Variants in NKAIN2 observed in about 807,000 individuals in gnomAD.
The protein encoded by NKAIN2 is sodium/potassium transporting ATPase interacting 2.
In NKAIN2, 14 loss-of-function variants were observed where a neutral mutation model predicts 32.6. The ratio of observed to expected loss-of-function variants is 0.43; its 90% CI spans 0.28 to 0.67. NKAIN2 has a LOEUF of 0.67. NKAIN2 is among the 30% of genes least tolerant of loss of function. The pLI, the probability that NKAIN2 is intolerant of heterozygous loss-of-function variation, is 0.17. For missense variants in NKAIN2, 198 were observed against 258.3 expected, an observed-to-expected ratio of 0.77 and a Z score of 1.60; for synonymous variants, 80 against 87.2, an observed-to-expected ratio of 0.92 and a Z score of 0.46.
intron 1 of NKAIN2, among the ~76,000 whole-genome samples, chr6:124,261,838 G>C (rs1356710647): frequency 6.6e-6 from 1 of 151,002 alleles, no homozygotes; most frequent in Non-Finnish European, 1.5e-5. Context: ...AATCCAGCCT[G>C]GGTGAAAGAG....
At chr6:124,273,095 T>C (rs151132778) in intron 1 of NKAIN2, among the ~76,000 whole-genome samples, 32 of 152,274 alleles carry the variant, frequency 2.1e-4, no homozygotes, top group African/African-American at 7.2e-4. Flanking sequence ...CTGGAATGAG[T>C]TAAGACTTTG....
At chr6:123,877,483 A>T (rs933944529) in intron 1 of NKAIN2, among the ~76,000 whole-genome samples, 5 of 152,224 alleles carry the variant, frequency 3.3e-5, no homozygotes, top group Non-Finnish European at 7.3e-5. Flanking sequence ...ATGTATGGGA[A>T]ATAGATTTCA....
In NKAIN2 at chr6:124,465,500, G is replaced by A. The variant is rs150698772; in HGVS notation, c.273+110153G>A. Among the ~76,000 whole-genome samples, 674 of 152,056 alleles carry A rather than the reference G, an allele frequency of 4.4e-3. 8 individuals are homozygous for A. The highest frequency in any genetic ancestry group is 0.015 in the African/African-American group (624 of 41,490). On this transcript the variant is annotated intron_variant, in intron 3 of 6. Coordinates refer to ENST00000368417, the MANE Select transcript of NKAIN2 (RefSeq NM_001040214.3). The stretch of plus-strand genomic sequence containing the variant: ...CTGTCAGGGGGTGGGGGCTAGATGA[G>A]GGACAGCATTAGGAGAAATACCTAA...
chr6:124,754,727 G>A (rs942939424), intron 4 of NKAIN2, among the ~76,000 whole-genome samples: 5 of 152,032 alleles, frequency 3.3e-5, no homozygotes, highest in East Asian at 1.9e-4. Flanking sequence ...ACAGTGTGGC[G>A]ATTCCTCAAA....
chr6:124,633,793 A>G (rs1783665364), intron 3 of NKAIN2, among the ~76,000 whole-genome samples: 1 of 152,194 alleles, frequency 6.6e-6, no homozygotes, highest in Non-Finnish European at 1.5e-5. Flanking sequence ...GAGCCCGAGG[A>G]CCAGTCCTCT....
chr6:124,118,230 A>C (rs1413851756), intron 1 of NKAIN2, among the ~76,000 whole-genome samples: 2 of 152,098 alleles, frequency 1.3e-5, no homozygotes, highest in African/African-American at 4.8e-5. Flanking sequence ...CCTTAATTTA[A>C]AAAGAGGAGG....
At chr6:124,579,899 T>A (rs1420190257) in intron 3 of NKAIN2, among the ~76,000 whole-genome samples, 2 of 152,170 alleles carry the variant, frequency 1.3e-5, no homozygotes, top group Admixed American at 1.3e-4. Context: ...CAGTGGAAAC[T>A]TTACAGGGCA....
At chr6:124,550,376 A>G (rs1415159903) in intron 3 of NKAIN2, among the ~76,000 whole-genome samples, 2 of 150,884 alleles carry the variant, frequency 1.3e-5, no homozygotes, top group East Asian at 2.0e-4. Context: ...TTTGTTTTCT[A>G]TTCTTTTTTT....
chr6:123,920,185 A>T (rs1298363226), intron 1 of NKAIN2, among the ~76,000 whole-genome samples: 1 of 152,112 alleles, frequency 6.6e-6, no homozygotes, highest in Non-Finnish European at 1.5e-5. Flanking sequence ...CTGGAGTATA[A>T]GTTTGTTCTT....
intron 1 of NKAIN2, among the ~76,000 whole-genome samples, chr6:124,007,811 G>A (rs1000490116): frequency 6.6e-6 from 1 of 152,138 alleles, no homozygotes; most frequent in African/African-American, 2.4e-5. Context: ...GATATTTGAA[G>A]TAATTAGTTT....
intron 5 of NKAIN2, among the ~76,000 whole-genome samples, chr6:124,797,386 G>A (rs939558499): frequency 6.6e-6 from 1 of 152,074 alleles, no homozygotes; most frequent in African/African-American, 2.4e-5. Flanking sequence ...ATCATCTGGA[G>A]AGAGACATGG....
chr6:124,203,577 TGA>T (rs773711281), intron 1 of NKAIN2, among the ~76,000 whole-genome samples: 3 of 151,804 alleles, frequency 2.0e-5, no homozygotes, highest in Admixed American at 6.6e-5. Context: ...ATAAGCATGC[TGA>T]GAGAGAAAGG....
chr6:124,807,853 C>A (rs960748425), intron 5 of NKAIN2, among the ~76,000 whole-genome samples: 21 of 151,014 alleles, frequency 1.4e-4, no homozygotes, highest in African/African-American at 4.6e-4. Context: ...ATACTACAAA[C>A]ACCTGTACAC....
chr6:123,823,302 G>C (rs1386591770), intron 1 of NKAIN2: 2 of 152,198 alleles, frequency 1.3e-5, no homozygotes, highest in African/African-American at 4.8e-5. Flanking sequence ...TGTGGTAAGA[G>C]TGAAAATAAT....
chr6:124,360,106 C>T (rs1562513264), intron 3 of NKAIN2, among the ~76,000 whole-genome samples: 1 of 152,198 alleles, frequency 6.6e-6, no homozygotes, highest in Non-Finnish European at 1.5e-5. Context: ...ACCAGCCTTG[C>T]ATCCCAGGGA....
chr6:123,957,007 C>T (rs945721841), intron 1 of NKAIN2, among the ~76,000 whole-genome samples: 3 of 152,144 alleles, frequency 2.0e-5, no homozygotes, highest in African/African-American at 7.2e-5. Context: ...ATGGTACAGA[C>T]TATTTCATGC....
intron 3 of NKAIN2, among the ~76,000 whole-genome samples, chr6:124,474,898 TATC>T (rs201061538): frequency 0.028 from 3,269 of 118,152 alleles, 57 homozygotes; most frequent in Non-Finnish European, 0.044. Context: ...ATTATATATG[TATC>T]ATATTATATA....
chr6:123,954,335 G>A (rs1264912649), intron 1 of NKAIN2, among the ~76,000 whole-genome samples: 2 of 152,174 alleles, frequency 1.3e-5, no homozygotes, highest in African/African-American at 4.8e-5. Flanking sequence ...TTGTTTTGGG[G>A]CCATCAGGGC....
chr6:124,056,740 C>T (rs933521699), intron 1 of NKAIN2, among the ~76,000 whole-genome samples: 1 of 151,920 alleles, frequency 6.6e-6, no homozygotes, highest in Non-Finnish European at 1.5e-5. Flanking sequence ...ATATTTTGTT[C>T]TACATACTGA....
Sources: allele counts gnomAD v4.1 joint callset (sites outside exome capture counted in the v4.1 genomes callset), GRCh38; gene constraint gnomAD v4.1.1; transcripts MANE v1.5; gene names NCBI Gene and HGNC (gene_info 2026-07-23, HGNC 2026-07-21).